PKIB: variants seen among roughly 807,000 people sequenced by gnomAD.
PKIB encodes PKI-beta.
Under a neutral mutation model 4.5 loss-of-function variants are expected in PKIB, and 2 were observed. The ratio of observed to expected loss-of-function variants is 0.44; its 90% CI spans 0.18 to 1.39. The LOEUF (loss-of-function observed/expected upper bound fraction) is 1.39. Among genes scored for constraint, PKIB ranks in the 40% most tolerant of loss-of-function variants. The pLI is 0.27. For synonymous variants in PKIB, 38 were observed against 36.0 expected (o/e 1.06, Z -0.20); for missense variants, 94 against 92.6 (o/e 1.02, Z -0.06).
At chr6:122,640,362 T>C (rs1329126326) in intron 2 of PKIB, among the ~76,000 whole-genome samples, 1 of 152,180 alleles carries the variant, frequency 6.6e-6, no homozygotes, top group African/African-American at 2.4e-5. Flanking sequence ...GCCAAGACAA[T>C]TGTTCTACTT....
At chr6:122,688,019 T>C (rs1421294385) in intron 3 of PKIB, among the ~76,000 whole-genome samples, 1 of 152,170 alleles carries the variant, frequency 6.6e-6, no homozygotes, top group Admixed American at 6.5e-5. Flanking sequence ...GTTGATATCC[T>C]TATTATATTC....
At chr6:122,534,890 G>C (rs1031478057) in intron 2 of PKIB, among the ~76,000 whole-genome samples, 1 of 152,116 alleles carries the variant, frequency 6.6e-6, no homozygotes, top group Non-Finnish European at 1.5e-5. Context: ...GAAGGCTAAG[G>C]AAAGAGTTTC....
At chr6:122,541,392 T>G (rs1777594334) in intron 2 of PKIB, among the ~76,000 whole-genome samples, 1 of 151,670 alleles carries the variant, frequency 6.6e-6, no homozygotes, top group East Asian at 1.9e-4. Context: ...TGACAAAATC[T>G]CTCAGCATTT....
intron 2 of PKIB, among the ~76,000 whole-genome samples, chr6:122,579,662 G>A (rs187909693): frequency 1.4e-4 from 21 of 152,084 alleles, no homozygotes; most frequent in Non-Finnish European, 2.2e-4. Context: ...CTAATGAAAA[G>A]TACTATACAA....
chr6:122,707,062 A>T (rs1466400770), intron 3 of PKIB, among the ~76,000 whole-genome samples: 2 of 152,136 alleles, frequency 1.3e-5, no homozygotes, highest in African/African-American at 4.8e-5. Flanking sequence ...TGTTTTTATA[A>T]AAGTTAAATG....
At chr6:122,700,804 G>A (rs1201139664) in intron 3 of PKIB, among the ~76,000 whole-genome samples, 2 of 152,182 alleles carry the variant, frequency 1.3e-5, no homozygotes, top group African/African-American at 4.8e-5. Flanking sequence ...AGGGAGCTTA[G>A]TGGCCTTTCT....
At position 122,495,124 on chromosome 6, in the gene PKIB, A is replaced by G. The variant is rs547697219; in HGVS notation, c.-248+17185A>G. Reference sequence around the variant, plus strand: ...TCCCAGCACAGTGGCCCTGCCCCCAATCCAAACATTTTGGTTGGTGACAGC... The same window carrying G: ...TCCCAGCACAGTGGCCCTGCCCCCAGTCCAAACATTTTGGTTGGTGACAGC... On this transcript the variant is annotated intron_variant, in intron 2 of 6. Coordinates refer to the PKIB transcript ENST00000392491. Among the ~76,000 whole-genome samples the G allele has an allele frequency of 4.6e-5, 7 of 152,016 alleles. No homozygotes were observed. In the East Asian group the frequency reaches 5.8e-4, roughly 13 times the overall value.
intron 2 of PKIB, among the ~76,000 whole-genome samples, chr6:122,671,699 G>A (rs534555063): frequency 6.6e-6 from 1 of 152,154 alleles, no homozygotes; most frequent in East Asian, 1.9e-4. Flanking sequence ...TTGATATTTT[G>A]TTCATCATAG....
At chr6:122,688,207 G>T (rs977364871) in intron 3 of PKIB, among the ~76,000 whole-genome samples, 1 of 152,098 alleles carries the variant, frequency 6.6e-6, no homozygotes, top group Non-Finnish European at 1.5e-5. Flanking sequence ...CAATTGAAAT[G>T]ATCATATGTT....
chr6:122,668,932 T>TG (rs1777339733), intron 2 of PKIB, among the ~76,000 whole-genome samples: 1 of 152,206 alleles, frequency 6.6e-6, no homozygotes. Flanking sequence ...CATCAGCCCC[T>TG]GGCTGGGTGC....
chr6:122,510,030 C>G (rs887809660), intron 2 of PKIB, among the ~76,000 whole-genome samples: 1 of 151,366 alleles, frequency 6.6e-6, no homozygotes, highest in African/African-American at 2.4e-5. Context: ...AAGTAGGGAT[C>G]TTTAAGTTGG....
intron 2 of PKIB, among the ~76,000 whole-genome samples, chr6:122,576,280 A>T (rs1235711736): frequency 6.6e-6 from 1 of 151,792 alleles, no homozygotes; most frequent in Admixed American, 6.6e-5. Context: ...CAGGCGGATC[A>T]CGAGGTCAGG....
chr6:122,718,615 T>C (rs1280278344), intron 4 of PKIB, among the ~76,000 whole-genome samples: 3 of 152,196 alleles, frequency 2.0e-5, no homozygotes, highest in Non-Finnish European at 4.4e-5. Flanking sequence ...TTCCAAGCCA[T>C]TAGCAAAATA....
At chr6:122,517,782 T>A (rs923347035) in intron 2 of PKIB, among the ~76,000 whole-genome samples, 1 of 152,236 alleles carries the variant, frequency 6.6e-6, no homozygotes, top group Non-Finnish European at 1.5e-5. Flanking sequence ...ACAGTAATTC[T>A]TGATCACTGA....
chr6:122,494,445 G>A (rs141316477), intron 2 of PKIB, among the ~76,000 whole-genome samples: 2 of 152,298 alleles, frequency 1.3e-5, no homozygotes, highest in African/African-American at 4.8e-5. Context: ...GAGTGCTATG[G>A]CACAAGGGTT....
At chr6:122,590,417 CT>C (rs1289415117) in intron 3 of PKIB, among the ~76,000 whole-genome samples, 1 of 152,040 alleles carries the variant, frequency 6.6e-6, no homozygotes, top group Non-Finnish European at 1.5e-5. Flanking sequence ...TCAGTTTACT[CT>C]TTTTTTGAAG....
At chr6:122,538,743 G>C (rs900348138) in intron 2 of PKIB, among the ~76,000 whole-genome samples, 22 of 151,990 alleles carry the variant, frequency 1.4e-4, no homozygotes, top group Non-Finnish European at 2.6e-4. Flanking sequence ...GATGGGGATG[G>C]CATTGAATCT....
At chr6:122,655,758 A>G (rs1391648112) in intron 2 of PKIB, among the ~76,000 whole-genome samples, 1 of 152,210 alleles carries the variant, frequency 6.6e-6, no homozygotes, top group Non-Finnish European at 1.5e-5. Flanking sequence ...AATGCTCATA[A>G]AAACAACTTA....
At chr6:122,521,341 A>G (rs1776940961) in intron 2 of PKIB, among the ~76,000 whole-genome samples, 1 of 152,164 alleles carries the variant, frequency 6.6e-6, no homozygotes, top group Non-Finnish European at 1.5e-5. Context: ...GTCACACGAC[A>G]CAATCTGATT....
Sources: gnomAD v4.1 joint callset for allele counts (sites outside exome capture counted in the v4.1 genomes callset) on GRCh38, gnomAD v4.1.1 for gene constraint, MANE v1.5 for transcripts, NCBI Gene and HGNC (gene_info 2026-07-23, HGNC 2026-07-21) for gene names.